The following SEMG2 variants were observed in gnomAD, a reference collection of about 807,000 sequenced individuals.
SEMG2 encodes the protein semenogelin 2, also known as semenogelin-2.
A neutral mutation model predicts 8.1 loss-of-function variants in SEMG2; 3 were observed. The ratio of observed to expected loss-of-function variants is 0.37; its 90% confidence interval spans 0.17 to 0.96. SEMG2 has a LOEUF of 0.96. SEMG2 is among the 40% of genes least tolerant of loss of function. The probability of loss-of-function intolerance (pLI) is 0.41; values close to 1 mark genes in which losing one functional copy is unlikely to be tolerated. For missense variants in SEMG2, 726 were observed against 671.2 expected, an observed-to-expected ratio of 1.08 and a Z score of -0.90; for synonymous variants, 252 against 231.4, an observed-to-expected ratio of 1.09 and a Z score of -0.81.
At position 45,222,734 on chromosome 20, in the gene SEMG2, G is replaced by C. The variant is rs2071650; in HGVS notation, c.1102G>C (p.Gly368Arg). 64,164 of 1,613,746 alleles carry C rather than the reference G, an allele frequency of 0.04. 2,761 individuals are homozygous for C. The highest frequency in any genetic ancestry group is 0.2 in the Admixed American group (12,260 of 59,978). Residue 368 changes from glycine (G) to arginine (R), a missense_variant, in exon 2 of 3, where the codon GGT (glycine) becomes CGT (arginine). Transcript: ENST00000372769. The stretch of plus-strand genomic sequence containing the variant: ...CTGTGGAGAAAAGGGCATCCAGAAA[G>C]GTGTATCCAAAGGCAGTATTTCGAT... ...LNCGEKGIQK[G>R]VSKGSISIQT...
In SEMG2 at chr20:45,222,358, TC is replaced by T. The variant is rs1273957670; in HGVS notation, c.727del (p.Gln243LysfsTer19). On this transcript the variant is annotated frameshift_variant, in exon 2 of 3. Coordinates refer to ENST00000372769, the MANE Select transcript of SEMG2 (RefSeq NM_003008.3). LOFTEE classifies it low-confidence loss of function (END_TRUNC). ...KLQTSLHPAH[Q>X]DRLQHGPKDI... ...TACAAACTTCACTCCATCCTGCACATCAAGACAGACTCCAACATGGACCCAA... is the reference window on the plus strand; with the variant it reads ...TACAAACTTCACTCCATCCTGCACATAAGACAGACTCCAACATGGACCCAA... The T allele has an allele frequency of 6.2e-7, 1 of 1,614,104 alleles. No individual in the cohort carries two copies.
At position 45,222,737 on chromosome 20, in the gene SEMG2, G is replaced by T; in HGVS notation, c.1105G>T (p.Val369Leu). 1 of 1,613,916 alleles carries T rather than the reference G, an allele frequency of 6.2e-7. No homozygotes were observed. Among genetic ancestry groups the T allele is most frequent in the Non-Finnish European group, 8.5e-7 (1 of 1,179,976 alleles). ...TGGAGAAAAGGGCATCCAGAAAGGT[G>T]TATCCAAAGGCAGTATTTCGATCCA... ...NCGEKGIQKG[V>L]SKGSISIQTE... Residue 369 changes from valine (V) to leucine (L), a missense_variant, in exon 2 of 3, where the codon GTA (valine) becomes TTA (leucine). Transcript: ENST00000372769.
chr20:45,223,600 G>A (rs889018287), intron 2 of SEMG2, among the ~76,000 whole-genome samples, 175 bp downstream of exon 2: 2 of 152,146 alleles, frequency 1.3e-5, no homozygotes, highest in African/African-American at 4.8e-5. Context: ...TGGCAGGGAA[G>A]GCTGCTTGGA....
Position 45,222,004 on chromosome 20 carries a change from C to T in SEMG2, c.372C>T (p.His124=). The T allele has an allele frequency of 6.2e-7, 1 of 1,614,084 alleles. No homozygotes were observed. Among genetic ancestry groups the T allele is most frequent in the Non-Finnish European group, 8.5e-7 (1 of 1,179,996 alleles). The change falls in exon 2 of 3, where the codon CAC becomes CAT. Residue 124 remains histidine (H), a synonymous_variant. Transcript: ENST00000372769. ...ATGATAAATCAAAAGGTCATTTTCA[C>T]ATGATAGTTATACATCATAAAGGAG... ...RDHDKSKGHF[H]MIVIHHKGGQ... is the part of the protein sequence containing the mutation.
chr20:45,222,691 A>T lies in SEMG2; in HGVS notation c.1059A>T (p.Thr353=). Residue 353 remains threonine (T), a synonymous_variant, in exon 2 of 3, where the codon ACA becomes ACT. Coordinates refer to ENST00000372769, the MANE Select transcript of SEMG2 (RefSeq NM_003008.3). ...AAATATCATACCAATCTTCAAGTAC[A>T]GAAGAAAGACATCTCAACTGTGGAG... ...ENKISYQSSS[T]EERHLNCGEK... 4 of 1,613,760 alleles carry T rather than the reference A, an allele frequency of 2.5e-6. No homozygotes were observed. The highest frequency in any genetic ancestry group is 3.4e-6 in the Non-Finnish European group (4 of 1,179,856).
Position 45,223,255 on chromosome 20 carries a change from A to T in SEMG2, c.1623A>T (p.Glu541Asp), listed in dbSNP as rs370300716. 1.9e-6 allele frequency: 3 copies of T among 1,614,214 alleles called. No individual in the cohort carries two copies. The highest frequency in any genetic ancestry group is 2.2e-5 in the East Asian group (1 of 44,888). ...GCAAACAAGACCTACTCAGTCATGA[A>T]CAAAAAGGCAGATACAAACAGGAAT... Reference protein sequence around the residue: ...ADSKQDLLSHEQKGRYKQESS... With the variant: ...ADSKQDLLSHDQKGRYKQESS... Residue 541 changes from glutamate to aspartate, a missense_variant, in exon 2 of 3, where the codon GAA (glutamate) becomes GAT (aspartate). Glu to Asp is a conservative substitution (Grantham distance 45). Coordinates refer to ENST00000372769, the MANE Select transcript of SEMG2 (RefSeq NM_003008.3).
In SEMG2 at chr20:45,221,877, G is replaced by T; in HGVS notation, c.245G>T (p.Ser82Ile). Residue 82 changes from serine (S) to isoleucine (I), a missense_variant, in exon 2 of 3, where the codon AGT (serine) becomes ATT (isoleucine). Ser to Ile is a moderately radical substitution (Grantham distance 142). Transcript: ENST00000372769. ...AATGATCATGACTGGACCCGAAAAA[G>T]TCAGCAATATGATTTGAATGCCCTA... ...DINDHDWTRKSQQYDLNALHK... is the reference protein window; with the variant it reads ...DINDHDWTRKIQQYDLNALHK... The T allele has an allele frequency of 6.2e-7, 1 of 1,613,966 alleles. No homozygotes were observed.
At position 45,222,664 on chromosome 20, in the gene SEMG2, T is replaced by G; in HGVS notation, c.1032T>G (p.Asn344Lys). The change falls in exon 2 of 3, where the codon AAT becomes AAG. Residue 344 changes from asparagine to lysine, a missense_variant. Coordinates refer to ENST00000372769, the MANE Select transcript of SEMG2 (RefSeq NM_003008.3). ...ATCAAGAGCATGGCCATAAGGAAAA[T>G]AAAATATCATACCAATCTTCAAGTA... ...SQDQEHGHKE[N>K]KISYQSSSTE... is the part of the protein sequence containing the mutation. The G allele has an allele frequency of 6.2e-7, 1 of 1,610,976 alleles. No homozygotes were observed. Among genetic ancestry groups the G allele is most frequent in the Non-Finnish European group, 8.5e-7 (1 of 1,179,280 alleles).
Position 45,221,597 on chromosome 20 carries a change from A to G in SEMG2, c.77-112A>G, listed in dbSNP as rs530214012. Reference sequence around the variant, plus strand: ...ATGAGAATTGATTTTTCTCCACCCAACGCTGTAGGCTTTTGGAAATATCAG... The same window carrying G: ...ATGAGAATTGATTTTTCTCCACCCAGCGCTGTAGGCTTTTGGAAATATCAG... On this transcript the variant is annotated intron_variant, in intron 1 of 2. Transcript: ENST00000372769. 7.9e-6 allele frequency: 11 copies of G among 1,395,510 alleles called. No homozygotes were observed. The East Asian group carries it at 2.1e-4, about 26-fold the overall frequency. The allele number at this position is 1,395,510 out of a possible 1,614,324, so 86.4% of individuals were successfully genotyped here.
rs1225105734 is a variant in SEMG2 at position 45,222,728 on chromosome 20, C to G, written c.1096C>G (p.Gln366Glu). 6.2e-7 allele frequency: 1 copy of G among 1,613,330 alleles called. No homozygotes were observed. The highest frequency in any genetic ancestry group is 8.5e-7 in the Non-Finnish European group (1 of 1,179,912). ...RHLNCGEKGI[Q>E]KGVSKGSISI... ...TCTCAACTGTGGAGAAAAGGGCATC[C>G]AGAAAGGTGTATCCAAAGGCAGTAT... Residue 366 changes from glutamine (Q) to glutamate (E), a missense_variant, in exon 2 of 3, where the codon CAG (glutamine) becomes GAG (glutamate). Transcript: ENST00000372769.
chr20:45,221,577 A>G, intron 1 of SEMG2, 112 bp downstream of exon 1: 6 of 1,423,344 alleles, frequency 4.2e-6, no homozygotes, highest in Non-Finnish European at 5.8e-6. Context: ...CCTTGATGAG[A>G]ATTGATTTTT....
At position 45,223,280 on chromosome 20, in the gene SEMG2, T is replaced by C. The variant is rs771103712; in HGVS notation, c.1648T>C (p.Ser550Pro). The C allele has an allele frequency of 5.6e-6, 9 of 1,613,972 alleles. No homozygotes were observed. Among genetic ancestry groups the C allele is most frequent in the Non-Finnish European group, 7.6e-6 (9 of 1,179,982 alleles). The change falls in exon 2 of 3, where the codon TCC (serine) becomes CCC (proline). Residue 550 changes from serine (S) to proline (P), a missense_variant. Transcript: ENST00000372769. ...HEQKGRYKQE[S>P]SESHNIVITE... ...ACAAAAAGGCAGATACAAACAGGAATCCAGTGAGTCACATAATATTGTAAT... is the reference window on the plus strand; with the variant it reads ...ACAAAAAGGCAGATACAAACAGGAACCCAGTGAGTCACATAATATTGTAAT...
chr20:45,223,571 C>A (rs955785862), intron 2 of SEMG2, 146 bp downstream of exon 2: 7 of 501,978 alleles, frequency 1.4e-5, no homozygotes, highest in South Asian at 7.1e-5. Flanking sequence ...CATTTCCTGG[C>A]GAGTAGAGGA....
chr20:45,223,206 G>A lies in SEMG2; in HGVS notation c.1574G>A (p.Gly525Glu). Reference sequence around the variant, plus strand: ...CAATGGTCTGGCCAAAATGCAAAAGGAAAGTCTGGTCAATCTGCAGATAGC... The same window carrying A: ...CAATGGTCTGGCCAAAATGCAAAAGAAAAGTCTGGTCAATCTGCAGATAGC... ...QDQWSGQNAKGKSGQSADSKQ... is the reference protein window; with the variant it reads ...QDQWSGQNAKEKSGQSADSKQ... Residue 525 changes from glycine to glutamate, a missense_variant, in exon 2 of 3, where the codon GGA (glycine) becomes GAA (glutamate). Gly to Glu is a moderately conservative substitution (Grantham distance 98). Coordinates refer to ENST00000372769, the MANE Select transcript of SEMG2 (RefSeq NM_003008.3). 1 of 1,614,116 alleles carries A rather than the reference G, an allele frequency of 6.2e-7. No individual in the cohort carries two copies. Among genetic ancestry groups the A allele is most frequent in the Non-Finnish European group, 8.5e-7 (1 of 1,180,012 alleles).
In SEMG2 at chr20:45,222,437, C is replaced by T; in HGVS notation, c.805C>T (p.Gln269Ter). ...ELLVYNKNQH[Q>*]TKNLSQDQEH... ...CCTAGTATATAACAAGAATCAACAC[C>T]AGACAAAAAATCTCAGTCAAGATCA... The change falls in exon 2 of 3, where the codon CAG becomes TAG. Residue 269 changes from glutamine to a stop codon, truncating the protein, a stop_gained. Coordinates refer to ENST00000372769, the MANE Select transcript of SEMG2 (RefSeq NM_003008.3). LOFTEE classifies it low-confidence loss of function (END_TRUNC). 1 of 1,614,052 alleles carries T rather than the reference C, an allele frequency of 6.2e-7. No homozygotes were observed. Among genetic ancestry groups the T allele is most frequent in the Non-Finnish European group, 8.5e-7 (1 of 1,179,984 alleles).
At position 45,221,720 on chromosome 20, in the gene SEMG2, G is replaced by T. The variant is rs780637566; in HGVS notation, c.88G>T (p.Gly30Cys). Reference protein sequence around the residue: ...AVMGQKGGSKGQLPSGSSQFP... With the variant: ...AVMGQKGGSKCQLPSGSSQFP... ...TTATCAATTACCAGGTGGATCAAAA[G>T]GCCAATTGCCAAGCGGATCTTCCCA... Residue 30 changes from glycine to cysteine, a missense_variant, in exon 2 of 3, where the codon GGC becomes TGC. Gly to Cys is a radical substitution (Grantham distance 159). Transcript: ENST00000372769. The T allele has an allele frequency of 4.4e-6, 7 of 1,606,980 alleles. No homozygotes were observed. The highest frequency in any genetic ancestry group is 1.1e-5 in the South Asian group (1 of 89,410).
Position 45,222,995 on chromosome 20 carries a change from C to G in SEMG2, c.1363C>G (p.Gln455Glu). Residue 455 changes from glutamine (Q) to glutamate (E), a missense_variant, in exon 2 of 3, where the codon CAA becomes GAA. Transcript: ENST00000372769. ...TCAAAACCAGGTAACAATTCCTAGT[C>G]AAGATCAAGAGCATGGCCATAAGGA... ...KSQNQVTIPS[Q>E]DQEHGHKENK... 1.9e-6 allele frequency: 3 copies of G among 1,614,100 alleles called. No homozygotes were observed. Among genetic ancestry groups the G allele is most frequent in the South Asian group, 1.1e-5 (1 of 91,072 alleles).
In SEMG2 at chr20:45,221,957, T is replaced by A; in HGVS notation, c.325T>A (p.Tyr109Asn). Residue 109 changes from tyrosine (Y) to asparagine (N), a missense_variant, in exon 2 of 3, where the codon TAT (tyrosine) becomes AAT (asparagine). By Grantham distance (143) the Tyr-to-Asn change is moderately radical. Transcript: ENST00000372769. ...AGGTGGAAGTCAACAACTGCTCAAT[T>A]ATAAACAAGAAGGCAGAGACCATGA... ...HLGGSQQLLN[Y>N]KQEGRDHDKS... 1 of 1,613,644 alleles carries A rather than the reference T, an allele frequency of 6.2e-7. No homozygotes were observed. Among genetic ancestry groups the A allele is most frequent in the Non-Finnish European group, 8.5e-7 (1 of 1,179,898 alleles).
chr20:45,221,521 G>T lies in SEMG2; in HGVS notation c.76+56G>T, dbSNP rs1411953069. 16 of 1,592,660 alleles carry T rather than the reference G, an allele frequency of 1.0e-5. No individual in the cohort carries two copies. In the Admixed American group the frequency reaches 2.0e-4, roughly 20 times the overall value. The stretch of plus-strand genomic sequence containing the variant: ...CTACTTTAAAAAAATGGCCTCTAAG[G>T]ATATTCAGGGTGCAAACAGTAACCT... On this transcript the variant is annotated intron_variant, in intron 1 of 2. Coordinates refer to ENST00000372769, the MANE Select transcript of SEMG2 (RefSeq NM_003008.3).
Sources: allele counts gnomAD v4.1 joint callset (sites outside exome capture counted in the v4.1 genomes callset), GRCh38; gene constraint gnomAD v4.1.1; transcripts MANE v1.5; gene names NCBI Gene and HGNC (gene_info 2026-07-23, HGNC 2026-07-21).